The following MAML2 variants were observed in gnomAD, a reference collection of about 807,000 sequenced individuals.
MAML2 encodes the protein mastermind like transcriptional coactivator 2.
In MAML2, 22 loss-of-function variants were observed where a neutral mutation model predicts 96.1. That is an observed-to-expected ratio of 0.23 (90% confidence interval 0.16 to 0.33). MAML2 has a LOEUF of 0.33. Among genes scored for constraint, MAML2 ranks in the 10% least tolerant of loss-of-function variants. The pLI is 1.00. For synonymous variants in MAML2, 561 were observed against 521.3 expected, an observed-to-expected ratio of 1.08 and a Z score of -1.04; for missense variants, 1,367 against 1,392.4, an observed-to-expected ratio of 0.98 and a Z score of 0.29.
At chr11:96,181,167 C>T (rs1285090195) in intron 1 of MAML2, among the ~76,000 whole-genome samples, 3 of 152,186 alleles carry the variant, frequency 2.0e-5, no homozygotes, top group African/African-American at 2.4e-5. Context: ...TGGGCGTATA[C>T]GTGCAAGTCA....
At chr11:96,121,224 C>A (rs1860335385) in intron 1 of MAML2, among the ~76,000 whole-genome samples, 1 of 152,142 alleles carries the variant, frequency 6.6e-6, no homozygotes, top group Non-Finnish European at 1.5e-5. Flanking sequence ...GAGACGCTGG[C>A]TTCTCAGAGT....
At chr11:96,175,787 A>T (rs1861377826) in intron 1 of MAML2, among the ~76,000 whole-genome samples, 1 of 152,086 alleles carries the variant, frequency 6.6e-6, no homozygotes, top group Admixed American at 6.5e-5. Flanking sequence ...TTTTTAGTAC[A>T]GACGGGGTTT....
chr11:96,094,299 G>A (rs1859788383), intron 1 of MAML2, among the ~76,000 whole-genome samples: 1 of 152,202 alleles, frequency 6.6e-6, no homozygotes, highest in African/African-American at 2.4e-5. Flanking sequence ...AGACAAAACT[G>A]AGCTCAAGTG....
In MAML2 at chr11:95,977,073, T is replaced by C; in HGVS notation, c.*1875A>G. The C allele has an allele frequency of 5.0e-6, 1 of 200,986 alleles. No individual in the cohort carries two copies. The highest frequency in any genetic ancestry group is 1.0e-5 in the Non-Finnish European group (1 of 97,436). The allele number at this position is 200,986 out of a possible 1,614,324, so 12.5% of individuals were successfully genotyped here. ...AATATAAATTTGTCTAACAAGCCTCTTGATAGTTTTCAAAAGTTCCCACTC... is the reference window on the plus strand; with the variant it reads ...AATATAAATTTGTCTAACAAGCCTCCTGATAGTTTTCAAAAGTTCCCACTC... On this transcript the variant is annotated 3_prime_UTR_variant, in exon 5 of 5. Transcript: ENST00000524717.
At position 95,997,300 on chromosome 11, in the gene MAML2, G is replaced by T. The variant is rs117552961; in HGVS notation, c.2140-5577C>A. 6.9e-3 allele frequency among the ~76,000 whole-genome samples: 1,049 copies of T among 152,222 alleles called. 12 individuals are homozygous for T. The highest frequency in any genetic ancestry group is 0.021 in the African/African-American group (855 of 41,544). On this transcript the variant is annotated intron_variant, in intron 2 of 4. Coordinates refer to ENST00000524717, the MANE Select transcript of MAML2 (RefSeq NM_032427.4). The stretch of plus-strand genomic sequence containing the variant: ...TAGATAGTTTTCCACGTTTGTGAGT[G>T]TGTGTGTGCATGCGCATTTGAGATT...
At chr11:96,131,333 A>C (rs1860545770) in intron 1 of MAML2, among the ~76,000 whole-genome samples, 1 of 152,224 alleles carries the variant, frequency 6.6e-6, no homozygotes, top group Admixed American at 6.5e-5. Context: ...AAATAGTTTG[A>C]GATTTCAAAA....
At chr11:95,995,212 T>C (rs749632501) in intron 2 of MAML2, among the ~76,000 whole-genome samples, 7 of 152,208 alleles carry the variant, frequency 4.6e-5, no homozygotes, top group Non-Finnish European at 7.4e-5. Flanking sequence ...CTGAGAAATG[T>C]AGAGGTCTCA....
At chr11:96,076,430 TCTCACA>T (rs1317121001) in intron 2 of MAML2, among the ~76,000 whole-genome samples, 1,826 of 136,442 alleles carry the variant, frequency 0.013, 33 homozygotes, top group African/African-American at 0.056. Context: ...TCTCTCTCTC[TCTCACA>T]CACACACACA....
At chr11:96,012,139 A>G (rs539593922) in intron 2 of MAML2, among the ~76,000 whole-genome samples, 6 of 152,348 alleles carry the variant, frequency 3.9e-5, no homozygotes, top group African/African-American at 1.4e-4. Flanking sequence ...CTGCAGTAGC[A>G]TTTGGTAAAC....
intron 3 of MAML2, among the ~76,000 whole-genome samples, chr11:95,986,152 T>A (rs1050984741): frequency 6.6e-6 from 1 of 152,160 alleles, no homozygotes; most frequent in African/African-American, 2.4e-5. Flanking sequence ...GAGGTAGGGT[T>A]TTCAGATAAA....
chr11:96,022,312 G>A (rs1006264561), intron 2 of MAML2, among the ~76,000 whole-genome samples: 10 of 152,302 alleles, frequency 6.6e-5, no homozygotes, highest in Admixed American at 4.6e-4. Flanking sequence ...CTATAATCAG[G>A]AAATTTTGTC....
chr11:96,165,542 G>GT (rs964889033), intron 1 of MAML2, among the ~76,000 whole-genome samples: 4 of 151,844 alleles, frequency 2.6e-5, no homozygotes, highest in Admixed American at 1.3e-4. Context: ...ACATATCTCT[G>GT]TTTTTTTAAA....
intron 1 of MAML2, among the ~76,000 whole-genome samples, chr11:96,339,820 A>G (rs1378996667): frequency 6.6e-6 from 1 of 152,034 alleles, no homozygotes; most frequent in Non-Finnish European, 1.5e-5. Context: ...TTACCCTAAC[A>G]TCTCTTTTTT....
In MAML2 at chr11:96,058,758, T is replaced by C. The variant is rs77613794; in HGVS notation, c.2139+33134A>G. On this transcript the variant is annotated intron_variant, in intron 2 of 4. Transcript: ENST00000524717. ...AGAATATTTCCTGTTCCATGAGTTA[T>C]AGTCCAACAATCCCAGCTTCTACTT... 5.6e-3 allele frequency among the ~76,000 whole-genome samples: 856 copies of C among 152,352 alleles called. 11 individuals are homozygous for C. Among genetic ancestry groups the C allele is most frequent in the African/African-American group, 0.02 (813 of 41,586 alleles).
At chr11:96,193,241 C>T (rs997741918) in intron 1 of MAML2, among the ~76,000 whole-genome samples, 1 of 152,124 alleles carries the variant, frequency 6.6e-6, no homozygotes, top group African/African-American at 2.4e-5. Flanking sequence ...GTGGTGGGTG[C>T]CCCTGTAATC....
chr11:96,341,614 CTTGGTGTGT>C lies in MAML2; in HGVS notation c.273_281del (p.His92_Lys94del). ...TAGTGGTGGCAGCAGTGGCGGTGGC[CTTGGTGTGT>C]TTGCCAGCTTTCCTTGCCCCCTGGC... On this transcript the variant is annotated inframe_deletion, in exon 1 of 5. Coordinates refer to ENST00000524717, the MANE Select transcript of MAML2 (RefSeq NM_032427.4). 6.4e-7 allele frequency: 1 copy of C among 1,552,088 alleles called. No homozygotes were observed. Among genetic ancestry groups the C allele is most frequent in the Non-Finnish European group, 8.7e-7 (1 of 1,147,202 alleles).
At chr11:96,282,118 G>A (rs907525269) in intron 1 of MAML2, among the ~76,000 whole-genome samples, 29 of 151,662 alleles carry the variant, frequency 1.9e-4, no homozygotes, top group African/African-American at 3.2e-4. Flanking sequence ...GCGTGGTGGC[G>A]GGCCCCTGTA....
chr11:95,982,159 C>A (rs536271852), intron 4 of MAML2, among the ~76,000 whole-genome samples: 1 of 152,128 alleles, frequency 6.6e-6, no homozygotes, highest in South Asian at 2.1e-4. Flanking sequence ...ACATGGGAAA[C>A]GCAATGCTCT....
intron 1 of MAML2, among the ~76,000 whole-genome samples, chr11:96,198,318 C>T (rs1861760576): frequency 6.6e-6 from 1 of 152,136 alleles, no homozygotes; most frequent in African/African-American, 2.4e-5. Flanking sequence ...AAGTTAGGCT[C>T]ACTGATTTGG....
Sources: allele counts gnomAD v4.1 joint callset (sites outside exome capture counted in the v4.1 genomes callset), GRCh38; gene constraint gnomAD v4.1.1; transcripts MANE v1.5; gene names NCBI Gene and HGNC (gene_info 2026-07-23, HGNC 2026-07-21).